The following MAST4 variants were observed in gnomAD, a reference collection of about 807,000 sequenced individuals.
MAST4 encodes microtubule associated serine/threonine kinase family member 4, also known as microtubule-associated serine/threonine-protein kinase 4.
A neutral mutation model predicts 162.7 loss-of-function variants in MAST4; 89 were observed. The observed-to-expected ratio is 0.55, with a 90% CI of 0.46 to 0.65. The LOEUF (loss-of-function observed/expected upper bound fraction) is 0.65. MAST4 is among the 30% of genes least tolerant of loss of function. The probability of loss-of-function intolerance (pLI) is 0.00; values close to 1 mark genes in which losing one functional copy is unlikely to be tolerated. For missense variants in MAST4, 3,153 were observed against 3,374.0 expected, an observed-to-expected ratio of 0.93 and a Z score of 1.62; for synonymous variants, 1,479 against 1,361.1, an observed-to-expected ratio of 1.09 and a Z score of -1.91.
intron 4 of MAST4, chr5:66,986,590 ATG>A: frequency 5.5e-6 from 2 of 363,442 alleles, no homozygotes; most frequent in Non-Finnish European, 4.1e-6. Flanking sequence ...AAAAATATAT[ATG>A]TATGAATTTA....
intron 1 of MAST4, among the ~76,000 whole-genome samples, chr5:66,702,751 T>G (rs1749863244): frequency 6.6e-6 from 1 of 152,188 alleles, no homozygotes; most frequent in Non-Finnish European, 1.5e-5. Context: ...ACCAGAGACC[T>G]AATCAGGTAG....
At chr5:67,094,259 G>T in intron 6 of MAST4, 2 of 790,686 alleles carry the variant, frequency 2.5e-6, no homozygotes, top group East Asian at 2.8e-5. Context: ...TGCATTTATT[G>T]GAGGTTACAC....
Position 66,831,094 on chromosome 5 carries a change from TAATA to T in MAST4, c.642+42304_642+42307del, listed in dbSNP as rs1757567781. 4.6e-5 allele frequency among the ~76,000 whole-genome samples: 7 copies of T among 152,336 alleles called. No homozygotes were observed. In the South Asian group the frequency reaches 1.4e-3, roughly 32 times the overall value. ...GAGTTCTTTAAAGTTAAGGGTCATA[TAATA>T]AATGTACTAGCATCTAGGAGGAACC... On this transcript the variant is annotated intron_variant, in intron 3 of 28. Coordinates refer to ENST00000403625, the MANE Select transcript of MAST4 (RefSeq NM_001164664.2).
intron 1 of MAST4, among the ~76,000 whole-genome samples, chr5:66,634,834 C>T (rs953839503): frequency 3.3e-5 from 5 of 152,308 alleles, no homozygotes; most frequent in South Asian, 4.1e-4. Flanking sequence ...TTACTCTGTG[C>T]GGCCCAACCA....
chr5:66,883,862 A>T (rs757489583), intron 3 of MAST4, among the ~76,000 whole-genome samples: 2 of 152,220 alleles, frequency 1.3e-5, no homozygotes, highest in Non-Finnish European at 2.9e-5. Flanking sequence ...TGATCACTGT[A>T]GTACACAAGG....
chr5:66,918,488 T>G (rs1764261617), intron 4 of MAST4, among the ~76,000 whole-genome samples: 1 of 152,226 alleles, frequency 6.6e-6, no homozygotes, highest in African/African-American at 2.4e-5. Flanking sequence ...AACTTTTAAT[T>G]TATACTGTAT....
chr5:67,027,377 G>A (rs914489734), intron 4 of MAST4, among the ~76,000 whole-genome samples: 1 of 152,148 alleles, frequency 6.6e-6, no homozygotes, highest in Non-Finnish European at 1.5e-5. Flanking sequence ...CCATATCTCT[G>A]TATGCACTCA....
intron 3 of MAST4, among the ~76,000 whole-genome samples, chr5:66,889,463 G>A (rs956264864): frequency 6.6e-6 from 1 of 152,188 alleles, no homozygotes; most frequent in Non-Finnish European, 1.5e-5. Flanking sequence ...TAAATATGTA[G>A]CTAGCATTGG....
At chr5:67,089,792 T>C (rs1311343102) in intron 5 of MAST4, among the ~76,000 whole-genome samples, 3 of 152,224 alleles carry the variant, frequency 2.0e-5, no homozygotes, top group South Asian at 4.1e-4. Context: ...TGCTTACCCA[T>C]GCATCCTGCT....
At chr5:66,856,908 A>G (rs367545964) in intron 3 of MAST4, among the ~76,000 whole-genome samples, 1 of 152,236 alleles carries the variant, frequency 6.6e-6, no homozygotes, top group African/African-American at 2.4e-5. Context: ...ATAGAGAATG[A>G]TATAACAAAC....
intron 4 of MAST4, chr5:66,958,957 TA>T (rs397965332): frequency 0.21 from 64,660 of 303,714 alleles, 553 homozygotes; most frequent in East Asian, 0.26. Context: ...CGACTTTCTT[TA>T]AAAAAAAAAA....
At chr5:66,940,732 T>A (rs1392061229) in intron 4 of MAST4, among the ~76,000 whole-genome samples, 2 of 152,192 alleles carry the variant, frequency 1.3e-5, no homozygotes, top group Non-Finnish European at 2.9e-5. Context: ...TCTTCCACAC[T>A]TCTGTTTAGG....
In MAST4 at chr5:67,165,225, C is replaced by T. The variant is rs1456294147; in HGVS notation, c.6046C>T (p.Leu2016Phe). The change falls in exon 29 of 29, where the codon CTC becomes TTC. Residue 2016 changes from leucine to phenylalanine, a missense_variant. Leu to Phe is a conservative substitution (Grantham distance 22). Coordinates refer to ENST00000403625, the MANE Select transcript of MAST4 (RefSeq NM_001164664.2). Reference protein sequence around the residue: ...AKTSDNSKNLLSVGRTHPDFY... With the variant: ...AKTSDNSKNLFSVGRTHPDFY... The stretch of plus-strand genomic sequence containing the variant: ...AACCAGTGACAACTCCAAAAATCTC[C>T]TCTCTGTGGGAAGGACCCACCCAGA... The T allele has an allele frequency of 6.2e-7, 1 of 1,611,680 alleles. No individual in the cohort carries two copies. The highest frequency in any genetic ancestry group is 1.7e-5 in the Admixed American group (1 of 59,822).
intron 1 of MAST4, among the ~76,000 whole-genome samples, chr5:66,691,176 A>C (rs182472357): frequency 1.3e-5 from 2 of 152,272 alleles, no homozygotes; most frequent in South Asian, 4.2e-4. Flanking sequence ...TCTTCTTCCT[A>C]CAAATTTTAT....
At chr5:66,734,775 GC>G (rs1368987922) in intron 1 of MAST4, among the ~76,000 whole-genome samples, 1 of 152,154 alleles carries the variant, frequency 6.6e-6, no homozygotes, top group Non-Finnish European at 1.5e-5. Flanking sequence ...GTGGTTGGTG[GC>G]CACTGTATTG....
At chr5:66,662,121 C>T (rs1196836544) in intron 1 of MAST4, among the ~76,000 whole-genome samples, 2 of 151,088 alleles carry the variant, frequency 1.3e-5, no homozygotes, top group African/African-American at 4.9e-5. Flanking sequence ...ATTCTAGGCT[C>T]TGGGGATATA....
At chr5:66,728,905 AG>A (rs985546323) in intron 1 of MAST4, among the ~76,000 whole-genome samples, 13 of 152,246 alleles carry the variant, frequency 8.5e-5, no homozygotes, top group African/African-American at 2.9e-4. Flanking sequence ...GGTCCCTTGG[AG>A]GGGATAGAGG....
chr5:66,668,301 T>C (rs1247371365), intron 1 of MAST4, among the ~76,000 whole-genome samples: 1 of 152,262 alleles, frequency 6.6e-6, no homozygotes, highest in Non-Finnish European at 1.5e-5. Flanking sequence ...ACAGCCTTTC[T>C]GAGTGTTAGT....
At chr5:67,045,803 G>A (rs1279701145) in intron 4 of MAST4, among the ~76,000 whole-genome samples, 1 of 152,192 alleles carries the variant, frequency 6.6e-6, no homozygotes, top group African/African-American at 2.4e-5. Flanking sequence ...AAGAATTTAT[G>A]TTAAAATAAC....
Sources: allele counts gnomAD v4.1 joint callset (sites outside exome capture counted in the v4.1 genomes callset), GRCh38; gene constraint gnomAD v4.1.1; transcripts MANE v1.5; gene names NCBI Gene and HGNC (gene_info 2026-07-23, HGNC 2026-07-21).